MXI1: variants seen among roughly 807,000 people sequenced by gnomAD.
The protein encoded by MXI1 is MAX interactor 1, dimerization protein.
MXI1 carries 18 observed loss-of-function variants against 36.9 expected under a neutral mutation model. That is an observed-to-expected ratio of 0.49 (90% CI 0.34 to 0.72). The LOEUF (loss-of-function observed/expected upper bound fraction) is 0.72, where lower values mean the gene tolerates loss of function less well. MXI1 is among the 30% of genes least tolerant of loss of function. The pLI, the probability that MXI1 is intolerant of heterozygous loss-of-function variation, is 0.01. For synonymous variants in MXI1, 160 were observed against 146.7 expected (o/e 1.09, Z -0.65); for missense variants, 304 against 379.1 (o/e 0.80, Z 1.64).
intron 5 of MXI1, among the ~76,000 whole-genome samples, chr10:110,281,210 T>G (rs1857236079): frequency 6.6e-6 from 1 of 152,216 alleles, no homozygotes; most frequent in Non-Finnish European, 1.5e-5. Flanking sequence ...TTCACTACGC[T>G]CACCCTCAAT....
At chr10:110,210,493 A>G (rs1345076395) in intron 1 of MXI1, among the ~76,000 whole-genome samples, 3 of 151,864 alleles carry the variant, frequency 2.0e-5, no homozygotes, top group African/African-American at 7.3e-5. Flanking sequence ...GTTTGGCTGC[A>G]GAGACCCCGC....
intron 2 of MXI1, among the ~76,000 whole-genome samples, chr10:110,236,999 T>C (rs1370551426): frequency 6.6e-6 from 1 of 152,248 alleles, no homozygotes; most frequent in Non-Finnish European, 1.5e-5. Context: ...ACACATACTT[T>C]ATTAAATTTT....
rs2134490462 is a variant in MXI1 at position 110,287,328 on chromosome 10, A to AAAGTT, written c.*2344_*2348dup. On this transcript the variant is annotated 3_prime_UTR_variant, in exon 6 of 6. Coordinates refer to ENST00000332674, the MANE Select transcript of MXI1 (RefSeq NM_130439.3). Reference sequence around the variant, plus strand: ...AAGACAAATCAACTTTGAAGACACAAAAGTTAATTGGAAGAAATAAAAACT... The same window carrying AAAGTT: ...AAGACAAATCAACTTTGAAGACACAAAAGTTAAGTTAATTGGAAGAAATAAAAACT... 1 of 152,332 alleles carries AAAGTT rather than the reference A, an allele frequency of 6.6e-6. No homozygotes were observed. Among genetic ancestry groups the AAAGTT allele is most frequent in the East Asian group, 1.9e-4 (1 of 5,186 alleles). The allele number at this position is 152,332 out of a possible 1,614,324, so 9.4% of individuals were successfully genotyped here.
At chr10:110,231,496 A>T (rs1459884742) in intron 2 of MXI1, among the ~76,000 whole-genome samples, 1 of 152,202 alleles carries the variant, frequency 6.6e-6, no homozygotes, top group Non-Finnish European at 1.5e-5. Context: ...GAGAGAAAAT[A>T]AATGATATAA....
chr10:110,264,076 AGTGT>A (rs34472977), intron 3 of MXI1, among the ~76,000 whole-genome samples: 3 of 150,814 alleles, frequency 2.0e-5, no homozygotes, highest in African/African-American at 4.9e-5. Context: ...ATAATTTAAA[AGTGT>A]GTGTGTGTGT....
In MXI1 at chr10:110,285,137, C is replaced by A; in HGVS notation, c.*150C>A. The A allele has an allele frequency of 1.4e-6, 1 of 710,996 alleles. No homozygotes were observed. Among genetic ancestry groups the A allele is most frequent in the Non-Finnish European group, 2.0e-6 (1 of 489,760 alleles). 44.0% of individuals were successfully genotyped at this position (710,996 alleles called of 1,614,324 possible). On this transcript the variant is annotated 3_prime_UTR_variant, in exon 6 of 6. Coordinates refer to ENST00000332674, the MANE Select transcript of MXI1 (RefSeq NM_130439.3). ...TACTTGAACAAAAGGGTCAGAGGACCTGTATTTAAGCAAATACTTAGCAAA... is the reference window on the plus strand; with the variant it reads ...TACTTGAACAAAAGGGTCAGAGGACATGTATTTAAGCAAATACTTAGCAAA...
chr10:110,284,134 GTT>G (rs964853179), intron 5 of MXI1, among the ~76,000 whole-genome samples: 1 of 142,760 alleles, frequency 7.0e-6, no homozygotes. Flanking sequence ...TATTTGTGGT[GTT>G]TTTTTTTTTT....
chr10:110,255,242 T>C (rs1300397900), intron 3 of MXI1, among the ~76,000 whole-genome samples: 1 of 152,218 alleles, frequency 6.6e-6, no homozygotes. Flanking sequence ...AAAGCCTGAA[T>C]GACAGCACAT....
At chr10:110,267,653 A>C (rs1452384109) in intron 3 of MXI1, among the ~76,000 whole-genome samples, 7 of 152,188 alleles carry the variant, frequency 4.6e-5, no homozygotes, top group African/African-American at 7.2e-5. Flanking sequence ...TGTAAACATA[A>C]CACAATTTAG....
intron 2 of MXI1, among the ~76,000 whole-genome samples, chr10:110,231,369 C>A (rs530090007): frequency 6.6e-6 from 1 of 150,746 alleles, no homozygotes; most frequent in Non-Finnish European, 1.5e-5. Flanking sequence ...TCCACCCCCC[C>A]CCCCTCAAAA....
chr10:110,209,783 G>T (rs1354768652), intron 1 of MXI1, among the ~76,000 whole-genome samples: 2 of 152,136 alleles, frequency 1.3e-5, no homozygotes, highest in African/African-American at 2.4e-5. Context: ...TTGTTGCAGG[G>T]GGGAGGGGCG....
chr10:110,226,453 G>A (rs1262133786), intron 1 of MXI1: 2 of 533,790 alleles, frequency 3.7e-6, no homozygotes. Context: ...CGCGTGTGTG[G>A]GGAGGGGCGT....
chr10:110,213,792 A>G (rs1293961384), intron 1 of MXI1, among the ~76,000 whole-genome samples: 1 of 152,256 alleles, frequency 6.6e-6, no homozygotes, highest in Non-Finnish European at 1.5e-5. Context: ...ACACATCCAG[A>G]AATGGGGATT....
At chr10:110,281,085 T>C (rs1372083219) in intron 5 of MXI1, among the ~76,000 whole-genome samples, 1 of 152,140 alleles carries the variant, frequency 6.6e-6, no homozygotes, top group East Asian at 1.9e-4. Flanking sequence ...TCTGATTTTG[T>C]TTTTTGTTTT....
At chr10:110,226,235 G>A (rs1336748475) in intron 1 of MXI1, 1 of 1,498,898 alleles carries the variant, frequency 6.7e-7, no homozygotes, top group East Asian at 2.7e-5. Flanking sequence ...GATGATCAAC[G>A]TGCAGCGTCT....
At chr10:110,213,397 A>G (rs760315027) in intron 1 of MXI1, among the ~76,000 whole-genome samples, 1 of 152,212 alleles carries the variant, frequency 6.6e-6, no homozygotes, top group Non-Finnish European at 1.5e-5. Context: ...AGGTTGAAGT[A>G]TGGTGGGGGT....
Position 110,228,283 on chromosome 10 carries a change from A to G in MXI1, c.369A>G (p.Lys123=). The G allele has an allele frequency of 1.2e-6, 2 of 1,614,174 alleles. No individual in the cohort carries two copies. The highest frequency in any genetic ancestry group is 2.2e-5 in the South Asian group (2 of 91,084). The change falls in exon 2 of 6, where the codon AAA becomes AAG. Residue 123 remains lysine, a synonymous_variant. Coordinates refer to ENST00000332674, the MANE Select transcript of MXI1 (RefSeq NM_130439.3). ...CACGGAGGTTGAGCCGGGCACAGAA[A>G]CACAGCAGCGGGAGCAGCAACACCA... ...KPPRRLSRAQ[K]HSSGSSNTST...
intron 3 of MXI1, among the ~76,000 whole-genome samples, chr10:110,254,657 C>G (rs952844081): frequency 1.3e-5 from 2 of 152,070 alleles, no homozygotes. Context: ...GGTGAACATC[C>G]AAATATGAAA....
chr10:110,279,880 A>C, intron 4 of MXI1, 34 bp from the exon 5 acceptor site: 1 of 1,563,370 alleles, frequency 6.4e-7, no homozygotes, highest in Non-Finnish European at 8.7e-7. Flanking sequence ...GTACTGGACT[A>C]TACACAAATG....
Sources: gnomAD v4.1 joint callset for allele counts (sites outside exome capture counted in the v4.1 genomes callset) on GRCh38, gnomAD v4.1.1 for gene constraint, MANE v1.5 for transcripts, NCBI Gene and HGNC (gene_info 2026-07-23, HGNC 2026-07-21) for gene names.